PROSER2: variants seen among roughly 807,000 people sequenced by gnomAD.
The protein encoded by PROSER2 is proline and serine-rich protein 2.
In PROSER2, 18 loss-of-function variants were observed where a neutral mutation model predicts 14.6. The ratio of observed to expected loss-of-function variants is 1.23; its 90% CI spans 0.85 to 1.83. PROSER2 has a LOEUF of 1.83. PROSER2 is among the 40% of genes most tolerant of loss of function. The probability of loss-of-function intolerance (pLI) is 0.00; values close to 1 mark genes in which losing one functional copy is unlikely to be tolerated. For synonymous variants in PROSER2, 367 were observed against 286.4 expected (o/e 1.28, Z -2.84); for missense variants, 823 against 629.8 (o/e 1.31, Z -3.28).
chr10:11,866,765 G>C lies in PROSER2; in HGVS notation c.373G>C (p.Glu125Gln), dbSNP rs1178181185. 20 of 1,611,980 alleles carry C rather than the reference G, an allele frequency of 1.2e-5. No homozygotes were observed. Among genetic ancestry groups the C allele is most frequent in the Middle Eastern group, 1.8e-4 (1 of 5,648 alleles). Residue 125 changes from glutamate (E) to glutamine (Q), a missense_variant, in exon 3 of 4, where the codon GAG becomes CAG. Glu to Gln is a conservative substitution (Grantham distance 29). Coordinates refer to ENST00000277570, the MANE Select transcript of PROSER2 (RefSeq NM_153256.4). This position sits in a 1 kb window ranked among gnomAD's most constrained non-coding sequence, Gnocchi z 6.0. ...CGCCGGGGAAGCCGAGGGCCTTCCA[G>C]AGGGGACCCAGGCAGCAGGTGAGGG... ...PGAGEAEGLP[E>Q]GTQAAGPAPA... is the part of the protein sequence containing the mutation.
rs186098460 is a variant in PROSER2 at position 11,827,465 on chromosome 10, G to T, written c.-82+3995G>T. Among the ~76,000 whole-genome samples, 250 of 152,192 alleles carry T rather than the reference G, an allele frequency of 1.6e-3. 1 individual carries two copies. The highest frequency in any genetic ancestry group is 3.4e-3 in the Middle Eastern group (1 of 294). On this transcript the variant is annotated intron_variant, in intron 1 of 3. Coordinates refer to ENST00000277570, the MANE Select transcript of PROSER2 (RefSeq NM_153256.4). ...TTCCTAAAGCTTCATTCTGTTGTGG[G>T]TTTTTTCCTGCTTTCTCTTTTAGGC...
At chr10:11,839,684 A>G (rs1833808665) in intron 1 of PROSER2, among the ~76,000 whole-genome samples, 1 of 151,600 alleles carries the variant, frequency 6.6e-6, no homozygotes, top group Non-Finnish European at 1.5e-5. Flanking sequence ...AATTAGCTAG[A>G]TGTGGTGGGG....
chr10:11,839,731 A>G (rs759468891), intron 1 of PROSER2, among the ~76,000 whole-genome samples: 17 of 150,804 alleles, frequency 1.1e-4, no homozygotes, highest in Non-Finnish European at 2.4e-4. Context: ...AGGCTGAGGC[A>G]GGAGAATCGC....
chr10:11,826,346 A>T (rs1331482312), intron 1 of PROSER2, among the ~76,000 whole-genome samples: 4 of 152,104 alleles, frequency 2.6e-5, no homozygotes, highest in Non-Finnish European at 4.4e-5. Context: ...CGTTGTGTAC[A>T]AGTTTTTGTT....
Position 11,869,262 on chromosome 10 carries a change from T to A in PROSER2, c.392-228T>A. ...TCTCCTAGGTGTGGACTGTCTGACT[T>A]GCAGGGCTATCGTGATTGTCCCTTA... On this transcript the variant is annotated intron_variant, in intron 3 of 3. Coordinates refer to ENST00000277570, the MANE Select transcript of PROSER2 (RefSeq NM_153256.4). The surrounding 1 kb of genome is among the most constrained non-coding windows in gnomAD (Gnocchi z 4.4). The A allele has an allele frequency of 1.7e-6, 1 of 588,976 alleles. No individual in the cohort carries two copies. The highest frequency in any genetic ancestry group is 1.9e-5 in the African/African-American group (1 of 53,552). 36.5% of individuals were successfully genotyped at this position (588,976 alleles called of 1,614,324 possible).
At position 11,859,239 on chromosome 10, in the gene PROSER2, C is replaced by T. The variant is rs148758469; in HGVS notation, c.138+7024C>T. ...GAGCTTGAGACCAGCTTGGCCAAAA[C>T]GCTGAAACCCCATCTCTGCTAAAAA... On this transcript the variant is annotated intron_variant, in intron 2 of 3. Coordinates refer to ENST00000277570, the MANE Select transcript of PROSER2 (RefSeq NM_153256.4). 3.1e-3 allele frequency among the ~76,000 whole-genome samples: 476 copies of T among 151,570 alleles called. 1 individual carries two copies. The highest frequency in any genetic ancestry group is 0.011 in the African/African-American group (450 of 41,336).
rs563957533 is a variant in PROSER2 at position 11,866,698 on chromosome 10, C to T, written c.306C>T (p.Ser102=). The change falls in exon 3 of 4, where the codon TCC becomes TCT. Residue 102 remains serine (S), a synonymous_variant. Transcript: ENST00000277570. The surrounding 1 kb of genome is among the most constrained non-coding windows in gnomAD (Gnocchi z 6.0). The part of the protein sequence containing the change: ...PSLEESTSSP[S]EPEDVIDLVQ... ...TGGAGGAGAGCACCTCCAGTCCCTC[C>T]GAGCCTGAAGATGTCATCGACTTAG... is the stretch of plus-strand genomic sequence containing the variant. 129 of 1,614,098 alleles carry T rather than the reference C, an allele frequency of 8.0e-5. 3 individuals are homozygous for T. The South Asian group carries it at 8.6e-4, about 11-fold the overall frequency.
Position 11,838,889 on chromosome 10 carries a change from A to G in PROSER2, c.-81-13108A>G, listed in dbSNP as rs1040748264. Reference sequence around the variant, plus strand: ...CTTATATTCTAGCTATCAATTCCTTATACGTATTAGACATAGTACATATCT... The same window carrying G: ...CTTATATTCTAGCTATCAATTCCTTGTACGTATTAGACATAGTACATATCT... On this transcript the variant is annotated intron_variant, in intron 1 of 3. Transcript: ENST00000277570. This position sits in a 1 kb window ranked among gnomAD's most constrained non-coding sequence, Gnocchi z 4.4. Among the ~76,000 whole-genome samples, 2 of 152,136 alleles carry G rather than the reference A, an allele frequency of 1.3e-5. No homozygotes were observed. Among genetic ancestry groups the G allele is most frequent in the African/African-American group, 4.8e-5 (2 of 41,428 alleles).
At chr10:11,843,029 C>T (rs1217233870) in intron 1 of PROSER2, among the ~76,000 whole-genome samples, 1 of 144,594 alleles carries the variant, frequency 6.9e-6, no homozygotes, top group Non-Finnish European at 1.5e-5. Context: ...CAAGTTCCGC[C>T]TCCTGGGTTT....
intron 1 of PROSER2, among the ~76,000 whole-genome samples, chr10:11,848,248 A>G (rs1206448650): frequency 6.6e-6 from 1 of 152,180 alleles, no homozygotes; most frequent in Non-Finnish European, 1.5e-5. Flanking sequence ...AGCTCACTGC[A>G]ACCTTTGCCT....
In PROSER2 at chr10:11,865,552, C is replaced by G. The variant is rs1182126202; in HGVS notation, c.139-979C>G. On this transcript the variant is annotated intron_variant, in intron 2 of 3. Transcript: ENST00000277570. The surrounding 1 kb of genome is among the most constrained non-coding windows in gnomAD (Gnocchi z 4.2). ...TAAGAAACTGCTGCGCAGTTCTACA[C>G]TGGGATTCGTTGACTGTAATCTTTA... Among the ~76,000 whole-genome samples, 3 of 152,254 alleles carry G rather than the reference C, an allele frequency of 2.0e-5. No individual in the cohort carries two copies. Among genetic ancestry groups the G allele is most frequent in the African/African-American group, 7.2e-5 (3 of 41,470 alleles).
chr10:11,863,872 G>A (rs1296155905), intron 2 of PROSER2, among the ~76,000 whole-genome samples: 1 of 152,152 alleles, frequency 6.6e-6, no homozygotes, highest in African/African-American at 2.4e-5. Context: ...GGTTGCTCAT[G>A]GTTTCGGTTT....
intron 1 of PROSER2, among the ~76,000 whole-genome samples, chr10:11,833,186 T>C (rs1833710819): frequency 1.3e-5 from 2 of 151,348 alleles, no homozygotes; most frequent in East Asian, 1.9e-4. Context: ...AAGTAACAAA[T>C]AGTGATTAAG....
chr10:11,843,685 CAAAA>C (rs369244388), intron 1 of PROSER2, among the ~76,000 whole-genome samples: 1 of 113,240 alleles, frequency 8.8e-6, no homozygotes, highest in East Asian at 2.5e-4. Flanking sequence ...GACTCTGTCT[CAAAA>C]AAAAAAAAAA....
intron 1 of PROSER2, among the ~76,000 whole-genome samples, chr10:11,840,389 G>A (rs1266049687): frequency 6.6e-6 from 1 of 151,900 alleles, no homozygotes; most frequent in Admixed American, 6.6e-5. Context: ...CATCTATTGA[G>A]ATGATTGAAT....
At chr10:11,855,120 C>A (rs1418602703) in intron 2 of PROSER2, among the ~76,000 whole-genome samples, 2 of 150,390 alleles carry the variant, frequency 1.3e-5, no homozygotes, top group Non-Finnish European at 3.0e-5. Context: ...AGAAAGAAAA[C>A]CTCGTTCTCA....
chr10:11,869,663 C>CT lies in PROSER2; in HGVS notation c.565_566insT (p.Arg189LeufsTer139). The CT allele has an allele frequency of 1.2e-6, 2 of 1,600,802 alleles. No homozygotes were observed. The highest frequency in any genetic ancestry group is 1.7e-6 in the Non-Finnish European group (2 of 1,174,062). Reference sequence around the variant, plus strand: ...GCCGGTGGAGCACCCCAGACTCCTGCGCTCTGTTCCCACGCCCCTCGTTAT... The same window carrying CT: ...GCCGGTGGAGCACCCCAGACTCCTGCTGCTCTGTTCCCACGCCCCTCGTTAT... On this transcript the variant is annotated frameshift_variant, in exon 4 of 4. Coordinates refer to ENST00000277570, the MANE Select transcript of PROSER2 (RefSeq NM_153256.4). LOFTEE classifies it low-confidence loss of function (END_TRUNC). The surrounding 1 kb of genome is among the most constrained non-coding windows in gnomAD (Gnocchi z 4.4).
At chr10:11,844,602 T>A (rs1278698959) in intron 1 of PROSER2, among the ~76,000 whole-genome samples, 3 of 152,194 alleles carry the variant, frequency 2.0e-5, no homozygotes, top group African/African-American at 7.2e-5. Context: ...TCTTTACTCA[T>A]CAGTACATGG....
rs76663800 is a variant in PROSER2 at position 11,866,221 on chromosome 10, C to T, written c.139-310C>T. On this transcript the variant is annotated intron_variant, in intron 2 of 3. Coordinates refer to ENST00000277570, the MANE Select transcript of PROSER2 (RefSeq NM_153256.4). This position sits in a 1 kb window ranked among gnomAD's most constrained non-coding sequence, Gnocchi z 6.0. ...TGGAAAAACAAGTGTGTTGGATAGC[C>T]GTAGGCTGACTGCAGCTCTCCAGTG... 2.6e-5 allele frequency among the ~76,000 whole-genome samples: 4 copies of T among 152,236 alleles called. No individual in the cohort carries two copies. In the East Asian group the frequency reaches 7.7e-4, roughly 29 times the overall value.
Sources: allele counts gnomAD v4.1 joint callset (sites outside exome capture counted in the v4.1 genomes callset), GRCh38; gene constraint gnomAD v4.1.1; non-coding constraint Gnocchi (gnomAD v3.1); transcripts MANE v1.5; gene names NCBI Gene and HGNC (gene_info 2026-07-23, HGNC 2026-07-21).